The following ANK2 variants were observed in gnomAD, a reference collection of about 807,000 sequenced individuals.
The protein encoded by ANK2 is ankyrin 2.
In ANK2, 83 loss-of-function variants were observed where a neutral mutation model predicts 360.5. The observed-to-expected ratio is 0.23, with a 90% CI of 0.19 to 0.28. The LOEUF (loss-of-function observed/expected upper bound fraction) is 0.28, where lower values mean the gene tolerates loss of function less well. Among genes scored for constraint, ANK2 ranks in the 10% least tolerant of loss-of-function variants. The pLI is 1.00. For synonymous variants in ANK2, 1,740 were observed against 1,759.5 expected (o/e 0.99, Z 0.28); for missense variants, 4,201 against 4,795.7 (o/e 0.88, Z 3.66).
At chr4:113,337,201 A>C (rs1034206302) in intron 31 of ANK2, among the ~76,000 whole-genome samples, 1 of 152,198 alleles carries the variant, frequency 6.6e-6, no homozygotes, top group Non-Finnish European at 1.5e-5. Flanking sequence ...GAAAAAAAAT[A>C]CTGTCTTGAG....
the ANK2 span, among the ~76,000 whole-genome samples, chr4:112,810,565 T>C: frequency 6.6e-6 from 1 of 152,142 alleles, no homozygotes; most frequent in African/African-American, 2.4e-5. Flanking sequence ...TTTTATTTTA[T>C]TTTTTAGATG....
intron 22 of ANK2, among the ~76,000 whole-genome samples, chr4:113,301,959 C>T (rs1261460174): frequency 1.3e-5 from 2 of 152,158 alleles, no homozygotes; most frequent in African/African-American, 4.8e-5. Context: ...ATATGCCAAG[C>T]ACTATTTTTA....
At chr4:113,180,238 A>G (rs763217831) in intron 2 of ANK2, among the ~76,000 whole-genome samples, 9 of 152,210 alleles carry the variant, frequency 5.9e-5, no homozygotes, top group Non-Finnish European at 8.8e-5. Context: ...ACCAAATTCT[A>G]GTTTTCCCCA....
chr4:113,288,571 G>C, intron 20 of ANK2, 85 bp downstream of exon 20: 1 of 1,173,758 alleles, frequency 8.5e-7, no homozygotes. Context: ...AAAGCTACAA[G>C]TGTATTTTTT....
At chr4:113,190,356 C>T (rs969390847) in intron 2 of ANK2, among the ~76,000 whole-genome samples, 3 of 151,976 alleles carry the variant, frequency 2.0e-5, no homozygotes, top group African/African-American at 2.4e-5. Flanking sequence ...GCAATCCTCC[C>T]GCCTCGGCCT....
At chr4:112,977,577 T>G (rs996241178) in intron 2 of ANK2, among the ~76,000 whole-genome samples, 1 of 151,834 alleles carries the variant, frequency 6.6e-6, no homozygotes, top group Admixed American at 6.5e-5. Flanking sequence ...TTTATTTTTT[T>G]TTTTTACTTT....
chr4:113,369,854 A>C (rs750870135), intron 43 of ANK2, 49 bp downstream of exon 43: 1 of 1,611,576 alleles, frequency 6.2e-7, no homozygotes, highest in East Asian at 2.2e-5. Flanking sequence ...AAAGCTACAA[A>C]TCTTCCAGTT....
At chr4:113,344,431 A>AT in intron 34 of ANK2, among the ~76,000 whole-genome samples, 1 of 152,184 alleles carries the variant, frequency 6.6e-6, no homozygotes, top group East Asian at 1.9e-4. Context: ...TGGGGCCCTA[A>AT]TGCATTGCTG....
At chr4:112,942,801 C>T (rs1345745946) in intron 2 of ANK2, among the ~76,000 whole-genome samples, 1 of 151,518 alleles carries the variant, frequency 6.6e-6, no homozygotes, top group Non-Finnish European at 1.5e-5. Flanking sequence ...TATTTATTTC[C>T]TTATCTTTTT....
Position 113,358,257 on chromosome 4 carries a change from T to C in ANK2, c.9639T>C (p.Pro3213=), listed in dbSNP as rs141830736. Residue 3213 remains proline, a synonymous_variant, in exon 38 of 46, where the codon CCT becomes CCC. Transcript: ENST00000357077. ...QMGISASTET[P]TKEAVSVGTK... is the part of the protein sequence containing the mutation. The stretch of plus-strand genomic sequence containing the variant: ...GGATTTCAGCCTCCACTGAAACACC[T>C]ACAAAAGAAGCTGTTAGTGTAGGGA... 1.2e-5 allele frequency: 19 copies of C among 1,614,032 alleles called. No individual in the cohort carries two copies. The African/African-American group carries it at 2.4e-4, about 20-fold the overall frequency.
Position 112,845,792 on chromosome 4 carries a change from T to C in ANK2, c.-40+27528T>C, listed in dbSNP as rs562822146. On this transcript the variant is annotated intron_variant, in intron 1 of 30. Transcript: ENST00000503271. ...TTTACTAAAAAAGTTTACAGAAATGTAGATTCTCAAGTTATTTTTAAATGT... is the reference window on the plus strand; with the variant it reads ...TTTACTAAAAAAGTTTACAGAAATGCAGATTCTCAAGTTATTTTTAAATGT... Among the ~76,000 whole-genome samples, 3 of 152,374 alleles carry C rather than the reference T, an allele frequency of 2.0e-5. 1 individual carries two copies. The highest frequency in any genetic ancestry group is 7.2e-5 in the African/African-American group (3 of 41,584).
intron 2 of ANK2, among the ~76,000 whole-genome samples, chr4:112,975,644 A>C (rs950642551): frequency 6.6e-6 from 1 of 152,178 alleles, no homozygotes; most frequent in Non-Finnish European, 1.5e-5. Flanking sequence ...TTCTTCTATA[A>C]ATAAGATGCA....
At chr4:113,034,884 A>AT (rs1456701155) in intron 2 of ANK2, 1 of 151,980 alleles carries the variant, frequency 6.6e-6, no homozygotes, top group Non-Finnish European at 1.5e-5. Context: ...AATAATAATG[A>AT]TTAGATATAA....
chr4:113,276,128 A>G (rs983068754), intron 15 of ANK2, among the ~76,000 whole-genome samples: 1 of 151,882 alleles, frequency 6.6e-6, no homozygotes, highest in African/African-American at 2.4e-5. Context: ...TTTTTAGTAG[A>G]GACGGGGTTT....
chr4:113,036,252 A>T (rs1579630359), intron 2 of ANK2, among the ~76,000 whole-genome samples: 1 of 62,230 alleles, frequency 1.6e-5, no homozygotes, highest in African/African-American at 6.6e-5. Context: ...TTTTAGTAGT[A>T]AAAAAAAAAA....
At chr4:112,989,889 A>G (rs2046172350) in intron 2 of ANK2, among the ~76,000 whole-genome samples, 1 of 152,226 alleles carries the variant, frequency 6.6e-6, no homozygotes, top group Non-Finnish European at 1.5e-5. Context: ...GATTAAATTA[A>G]GAAAACTAAC....
Position 113,341,929 on chromosome 4 carries a change from A to AAAT in ANK2, c.4122+26_4122+28dup, listed in dbSNP as rs770262538. 1.9e-6 allele frequency: 3 copies of AAAT among 1,556,216 alleles called. No homozygotes were observed. Among genetic ancestry groups the AAAT allele is most frequent in the South Asian group, 2.2e-5 (2 of 89,936 alleles). On this transcript the variant is annotated intron_variant, in intron 33 of 45. Coordinates refer to ENST00000357077, the MANE Select transcript of ANK2 (RefSeq NM_001148.6). ...CAGGGATGTGGAGGTACTGTACCAAAAATAATAATAATAATTTATGCCATG... is the reference window on the plus strand; with the variant it reads ...CAGGGATGTGGAGGTACTGTACCAAAAATAATAATAATAATAATTTATGCCATG...
Position 113,071,170 on chromosome 4 carries a change from T to A in ANK2, c.84+21358T>A, listed in dbSNP as rs904537673. Among the ~76,000 whole-genome samples, 7 of 152,230 alleles carry A rather than the reference T, an allele frequency of 4.6e-5. 1 individual carries two copies. The highest frequency in any genetic ancestry group is 4.4e-5 in the Non-Finnish European group (3 of 68,032). ...CTGCACATGATTTAATTACTTCACA[T>A]TGATTTTAAAACAAAACCTACATGC... On this transcript the variant is annotated intron_variant, in intron 1 of 45. Transcript: ENST00000357077.
At chr4:113,144,430 A>C (rs1454590607) in intron 1 of ANK2, among the ~76,000 whole-genome samples, 4 of 151,894 alleles carry the variant, frequency 2.6e-5, no homozygotes, top group Non-Finnish European at 5.9e-5. Context: ...AAAAAAAATA[A>C]TGGCAAATGG....
Sources: gnomAD v4.1 joint callset for allele counts (sites outside exome capture counted in the v4.1 genomes callset) on GRCh38, gnomAD v4.1.1 for gene constraint, MANE v1.5 for transcripts, NCBI Gene and HGNC (gene_info 2026-07-23, HGNC 2026-07-21) for gene names.